PRELID2: variants seen among roughly 807,000 people sequenced by gnomAD.
PRELID2 encodes the protein PRELI domain-containing protein 2.
In PRELID2, 25 loss-of-function variants were observed where a neutral mutation model predicts 28.4. The observed-to-expected ratio is 0.88, with a 90% CI of 0.64 to 1.23. The LOEUF (loss-of-function observed/expected upper bound fraction) is 1.23. Among genes scored for constraint, PRELID2 ranks in the 50% most tolerant of loss-of-function variants. PRELID2 has a pLI of 0.00. For missense variants in PRELID2, 201 were observed against 214.4 expected (o/e 0.94, Z 0.39); for synonymous variants, 76 against 71.6 (o/e 1.06, Z -0.31).
chr5:145,699,505 A>G (rs1335730510), intron 1 of PRELID2, among the ~76,000 whole-genome samples: 1 of 151,984 alleles, frequency 6.6e-6, no homozygotes. Flanking sequence ...ACCTAGGCTG[A>G]CTCCAGGGGC....
intron 5 of PRELID2, among the ~76,000 whole-genome samples, chr5:145,774,971 G>A (rs1417687517): frequency 6.6e-6 from 1 of 152,194 alleles, no homozygotes; most frequent in African/African-American, 2.4e-5. Context: ...CAGGCACAAT[G>A]GCTGACACCT....
the PRELID2 span, among the ~76,000 whole-genome samples, chr5:145,314,802 C>A: frequency 6.3e-4 from 96 of 151,866 alleles, 1 homozygote; most frequent in African/African-American, 2.0e-3. Context: ...TTTGACATTT[C>A]TTTTTATTCA....
At chr5:145,282,827 T>C in the PRELID2 span, among the ~76,000 whole-genome samples, 1 of 152,162 alleles carries the variant, frequency 6.6e-6, no homozygotes, top group Non-Finnish European at 1.5e-5. Context: ...GCAGAGACAG[T>C]TATTCTTGAG....
chr5:145,623,150 C>T (rs965701108), intron 1 of PRELID2, among the ~76,000 whole-genome samples: 5 of 151,784 alleles, frequency 3.3e-5, no homozygotes, highest in African/African-American at 7.3e-5. Flanking sequence ...TATAAGACCT[C>T]ATTTAAACTA....
intron 1 of PRELID2, chr5:145,729,447 C>T (rs1756272708): frequency 3.0e-6 from 1 of 328,454 alleles, no homozygotes. Flanking sequence ...CTTCTAAGTC[C>T]TCACTTTGTC....
intron 5 of PRELID2, among the ~76,000 whole-genome samples, chr5:145,778,735 A>G (rs1032820138): frequency 2.6e-5 from 4 of 152,134 alleles, no homozygotes; most frequent in Non-Finnish European, 5.9e-5. Context: ...TCCACGCCTG[A>G]CTCACAGTCT....
At chr5:145,733,786 C>T (rs940810383) in intron 1 of PRELID2, among the ~76,000 whole-genome samples, 8 of 152,180 alleles carry the variant, frequency 5.3e-5, no homozygotes, top group African/African-American at 1.9e-4. Context: ...ATAGTGGTCC[C>T]TGAAAGATGT....
intron 1 of PRELID2, among the ~76,000 whole-genome samples, chr5:145,622,017 T>C (rs1037810085): frequency 1.3e-5 from 2 of 152,148 alleles, no homozygotes; most frequent in Non-Finnish European, 2.9e-5. Context: ...TGATACATGC[T>C]ACAACATGGA....
chr5:145,659,657 C>T (rs10515554), intron 1 of PRELID2, among the ~76,000 whole-genome samples: 12,967 of 152,244 alleles, frequency 0.085, 781 homozygotes, highest in Admixed American at 0.19. Flanking sequence ...GCTTCCGTCA[C>T]TTGTACTTAC....
At chr5:145,392,158 C>A in the PRELID2 span, among the ~76,000 whole-genome samples, 1 of 152,156 alleles carries the variant, frequency 6.6e-6, no homozygotes, top group Non-Finnish European at 1.5e-5. Flanking sequence ...TTAGCCCATT[C>A]TCACGCTGCC....
At chr5:145,553,795 C>G (rs114538099) in intron 1 of PRELID2, among the ~76,000 whole-genome samples, 204 of 152,248 alleles carry the variant, frequency 1.3e-3, no homozygotes, top group African/African-American at 4.9e-3. Context: ...AGAATTGTGA[C>G]AGGGTGACTC....
At chr5:145,728,414 C>A in intron 1 of PRELID2, 1 of 531,936 alleles carries the variant, frequency 1.9e-6, no homozygotes, top group East Asian at 3.5e-5. Flanking sequence ...ATCCACACTT[C>A]AAGCTTCAGC....
chr5:145,277,309 C>G, the PRELID2 span, among the ~76,000 whole-genome samples: 3 of 152,168 alleles, frequency 2.0e-5, no homozygotes, highest in Non-Finnish European at 4.4e-5. Context: ...GTCTGCATAT[C>G]TAATCTATTA....
intron 1 of PRELID2, among the ~76,000 whole-genome samples, chr5:145,544,431 A>T (rs1429130777): frequency 6.6e-6 from 1 of 152,148 alleles, no homozygotes; most frequent in East Asian, 1.9e-4. Flanking sequence ...AAAGACATAC[A>T]TACCTAGCCA....
the PRELID2 span, among the ~76,000 whole-genome samples, chr5:145,434,313 C>T: frequency 0.7 from 105,723 of 152,074 alleles, 37,206 homozygotes; most frequent in Admixed American, 0.72. Context: ...ATTCCATCTT[C>T]CAATCCATGA....
the PRELID2 span, among the ~76,000 whole-genome samples, chr5:145,411,878 G>A: frequency 6.6e-6 from 1 of 152,170 alleles, no homozygotes; most frequent in South Asian, 2.1e-4. Flanking sequence ...CACACCTGCA[G>A]GCTCAATACC....
chr5:145,323,533 TG>T, the PRELID2 span, among the ~76,000 whole-genome samples: 3 of 152,170 alleles, frequency 2.0e-5, no homozygotes. Context: ...TTGCATGTTG[TG>T]GGGGGTTTGG....
At chr5:145,747,580 C>T (rs936712194) in intron 1 of PRELID2, among the ~76,000 whole-genome samples, 49 of 152,198 alleles carry the variant, frequency 3.2e-4, no homozygotes, top group African/African-American at 1.2e-3. Context: ...GATTCACAGC[C>T]GAATTCTACC....
At chr5:145,380,709 T>G in the PRELID2 span, among the ~76,000 whole-genome samples, 270 of 152,318 alleles carry the variant, frequency 1.8e-3, 2 homozygotes, top group African/African-American at 6.2e-3. Flanking sequence ...TTGGATTCCC[T>G]CACTATAATG....
Sources: gnomAD v4.1 joint callset for allele counts (sites outside exome capture counted in the v4.1 genomes callset) on GRCh38, gnomAD v4.1.1 for gene constraint, MANE v1.5 for transcripts, NCBI Gene and HGNC (gene_info 2026-07-23, HGNC 2026-07-21) for gene names.